The following SMC3 variants were observed in gnomAD, a reference collection of about 807,000 sequenced individuals.
SMC3 encodes the protein structural maintenance of chromosomes 3.
Under a neutral mutation model 171.8 loss-of-function variants are expected in SMC3, and 20 were observed. That is an observed-to-expected ratio of 0.12 (90% CI 0.08 to 0.17). The LOEUF is 0.17. Ranked by LOEUF, SMC3 falls within the 10% of genes least tolerant of loss-of-function variation. The probability of loss-of-function intolerance (pLI) is 1.00; values close to 1 mark genes in which losing one functional copy is unlikely to be tolerated. For synonymous variants in SMC3, 464 were observed against 451.1 expected, an observed-to-expected ratio of 1.03 and a Z score of -0.36; for missense variants, 543 against 1,420.4, an observed-to-expected ratio of 0.38 and a Z score of 9.93.
intron 19 of SMC3, among the ~76,000 whole-genome samples, chr10:110,597,069 G>T (rs1394203620): frequency 6.6e-6 from 1 of 151,354 alleles, no homozygotes; most frequent in African/African-American, 2.4e-5. Flanking sequence ...ACTTGAGCCT[G>T]GGAGGTGGAG....
chr10:110,589,215 C>G (rs928080467), intron 13 of SMC3, among the ~76,000 whole-genome samples: 3 of 151,982 alleles, frequency 2.0e-5, no homozygotes, highest in African/African-American at 7.3e-5. Flanking sequence ...CGGTGAAACT[C>G]CGTCTCTACT....
chr10:110,597,932 G>C (rs1315230084), intron 19 of SMC3, among the ~76,000 whole-genome samples: 1 of 152,196 alleles, frequency 6.6e-6, no homozygotes, highest in African/African-American at 2.4e-5. Context: ...TTCTGAGAGT[G>C]AAATGGGGTG....
chr10:110,592,337 C>A (rs1861220723), intron 17 of SMC3, among the ~76,000 whole-genome samples: 2 of 151,924 alleles, frequency 1.3e-5, no homozygotes, highest in Admixed American at 6.6e-5. Context: ...GTGGTCGTTT[C>A]TCGCAGGTAA....
At chr10:110,592,528 T>G (rs1016859658) in intron 17 of SMC3, among the ~76,000 whole-genome samples, 4 of 152,186 alleles carry the variant, frequency 2.6e-5, no homozygotes, top group African/African-American at 7.2e-5. Flanking sequence ...TCTAACAGTT[T>G]AGGAGAGAGG....
At chr10:110,583,284 C>G in intron 10 of SMC3, 100 bp from the exon 11 acceptor site, 1 of 936,236 alleles carries the variant, frequency 1.1e-6, no homozygotes, top group Non-Finnish European at 1.7e-6. Context: ...ATTGAAAGGA[C>G]AGAGTATTAC....
In SMC3 at chr10:110,593,106, A is replaced by C; in HGVS notation, c.1846A>C (p.Asn616His). Reference sequence around the variant, plus strand: ...TCCTATGATCAGCAAACTGAGGTACAATCCCAGATTTGACAAAGCTTTCAA... The same window carrying C: ...TCCTATGATCAGCAAACTGAGGTACCATCCCAGATTTGACAAAGCTTTCAA... ...AIPMISKLRY[N>H]PRFDKAFKHV... The change falls in exon 18 of 29, where the codon AAT becomes CAT. Residue 616 changes from asparagine (N) to histidine (H), a missense_variant. This residue lies in a region of SMC3 where 218 missense variants were observed against 509.6 expected (regional missense o/e 0.43). Transcript: ENST00000361804. 1.9e-6 allele frequency: 3 copies of C among 1,614,122 alleles called. No individual in the cohort carries two copies. The highest frequency in any genetic ancestry group is 1.1e-5 in the South Asian group (1 of 91,082).
chr10:110,595,243 G>A (rs1861280685), intron 18 of SMC3, among the ~76,000 whole-genome samples: 1 of 150,984 alleles, frequency 6.6e-6, no homozygotes, highest in South Asian at 2.1e-4. Context: ...ACCTCCCAAA[G>A]TGCTGGGATT....
intron 11 of SMC3, 65 bp from the exon 12 acceptor site, chr10:110,583,776 C>A: frequency 6.4e-7 from 1 of 1,553,388 alleles, no homozygotes; most frequent in Non-Finnish European, 8.8e-7. Flanking sequence ...CCTGAGAAAA[C>A]ATTTATGCTA....
At chr10:110,594,978 A>G (rs945685903) in intron 18 of SMC3, among the ~76,000 whole-genome samples, 2 of 150,572 alleles carry the variant, frequency 1.3e-5, no homozygotes, top group African/African-American at 4.9e-5. Context: ...AAGTATGCAT[A>G]TAGTGTCTTC....
intron 17 of SMC3, among the ~76,000 whole-genome samples, chr10:110,592,553 C>G (rs1861224541): frequency 6.6e-6 from 1 of 152,120 alleles, no homozygotes; most frequent in South Asian, 2.1e-4. Flanking sequence ...GAAATTTTAT[C>G]TGACAAAATA....
chr10:110,602,285 TA>T (rs1290061024), intron 25 of SMC3, 107 bp downstream of exon 25: 6 of 1,092,912 alleles, frequency 5.5e-6, no homozygotes, highest in Non-Finnish European at 8.3e-6. Flanking sequence ...CAGGTGAATC[TA>T]ATACATGTGA....
intron 3 of SMC3, among the ~76,000 whole-genome samples, chr10:110,575,056 G>A (rs1860927209): frequency 6.6e-6 from 1 of 152,034 alleles, no homozygotes; most frequent in South Asian, 2.1e-4. Flanking sequence ...GTATACCTTA[G>A]TTTTGCTTGT....
chr10:110,571,361 G>T lies in SMC3; in HGVS notation c.92-2346G>T, dbSNP rs142074857. Among the ~76,000 whole-genome samples, 503 of 152,350 alleles carry T rather than the reference G, an allele frequency of 3.3e-3. 3 individuals are homozygous for T. The highest frequency in any genetic ancestry group is 0.011 in the African/African-American group (468 of 41,582). On this transcript the variant is annotated intron_variant, in intron 2 of 28. Transcript: ENST00000361804. ...CTAAAGAAGAGACAGGTGGTTTGCAGTCATGTTAAATAACTCACAGACTTT... is the reference window on the plus strand; with the variant it reads ...CTAAAGAAGAGACAGGTGGTTTGCATTCATGTTAAATAACTCACAGACTTT...
chr10:110,592,569 C>T, intron 17 of SMC3, among the ~76,000 whole-genome samples: 1 of 152,072 alleles, frequency 6.6e-6, no homozygotes, highest in Middle Eastern at 3.2e-3. Context: ...AAATATTTTC[C>T]TATCTAATTT....
chr10:110,574,392 G>A (rs1193436929), intron 3 of SMC3, among the ~76,000 whole-genome samples: 1 of 152,104 alleles, frequency 6.6e-6, no homozygotes, highest in East Asian at 1.9e-4. Flanking sequence ...AGACAGTTAA[G>A]GAGTAGGTTG....
At chr10:110,576,454 A>T (rs189842398) in intron 4 of SMC3, among the ~76,000 whole-genome samples, 4 of 152,196 alleles carry the variant, frequency 2.6e-5, no homozygotes, top group African/African-American at 9.7e-5. Context: ...CACATTACCA[A>T]TGTGATGTGG....
rs541712077 is a variant in SMC3, at chr10:110,573,804, A to G, written c.130+59A>G. 12 of 1,093,548 alleles carry G rather than the reference A, an allele frequency of 1.1e-5. No homozygotes were observed. In the Admixed American group the frequency reaches 2.1e-4, roughly 19 times the overall value. 67.7% of individuals were successfully genotyped at this position (1,093,548 alleles called of 1,614,324 possible). A position where few individuals can be genotyped will look rare whatever the true frequency, so the allele number is the denominator to read the frequency against. On this transcript the variant is annotated intron_variant, in intron 3 of 28. Transcript: ENST00000361804. ...AGACCTGGGTATCTTAGGGTAGATT[A>G]TTAAAATCATTAATTTTCTGAGGTT... is the stretch of plus-strand genomic sequence containing the variant.
chr10:110,577,285 T>C (rs1249331560), intron 4 of SMC3, 136 bp from the exon 5 acceptor site: 2 of 695,576 alleles, frequency 2.9e-6, no homozygotes, highest in Non-Finnish European at 5.2e-6. Context: ...GATTAGTGTG[T>C]GTGTGTATAT....
intron 8 of SMC3, 63 bp from the exon 9 acceptor site, chr10:110,581,860 A>G: frequency 1.6e-6 from 2 of 1,289,542 alleles, no homozygotes; most frequent in Non-Finnish European, 2.3e-6. Flanking sequence ...AGGTATATTT[A>G]AGAAGTGATA....
Sources: allele counts gnomAD v4.1 joint callset (sites outside exome capture counted in the v4.1 genomes callset), GRCh38; gene constraint gnomAD v4.1.1; regional missense constraint gnomAD v4.1.1; transcripts MANE v1.5; gene names NCBI Gene and HGNC (gene_info 2026-07-23, HGNC 2026-07-21).